MYO1E: variants seen among roughly 807,000 people sequenced by gnomAD.
MYO1E encodes the protein unconventional myosin-Ie.
MYO1E carries 68 observed loss-of-function variants against 151.1 expected under a neutral mutation model. The observed-to-expected ratio is 0.45, with a 90% CI of 0.37 to 0.55. The LOEUF is 0.55. Among genes scored for constraint, MYO1E ranks in the 20% least tolerant of loss-of-function variants. MYO1E has a pLI of 0.00. For missense variants in MYO1E, 1,363 were observed against 1,389.3 expected, an observed-to-expected ratio of 0.98 and a Z score of 0.30; for synonymous variants, 601 against 501.7, an observed-to-expected ratio of 1.20 and a Z score of -2.64.
intron 16 of MYO1E, 73 bp downstream of exon 16, chr15:59,202,253 G>A: frequency 7.6e-7 from 1 of 1,323,362 alleles, no homozygotes. Context: ...TCCTGGCCCA[G>A]GGGTGCAGTT....
chr15:59,163,504 GT>G (rs1227044916), intron 22 of MYO1E, among the ~76,000 whole-genome samples: 2 of 151,904 alleles, frequency 1.3e-5, no homozygotes, highest in African/African-American at 4.8e-5. Flanking sequence ...TTCAAAGAAG[GT>G]TTATAGTCCA....
intron 4 of MYO1E, among the ~76,000 whole-genome samples, chr15:59,247,550 C>G (rs976186792): frequency 2.0e-5 from 3 of 152,134 alleles, no homozygotes; most frequent in Non-Finnish European, 4.4e-5. Context: ...ACAACCTATA[C>G]GAAAGCAACC....
At chr15:59,308,531 G>A (rs1235995047) in intron 1 of MYO1E, among the ~76,000 whole-genome samples, 2 of 151,652 alleles carry the variant, frequency 1.3e-5, no homozygotes, top group Non-Finnish European at 2.9e-5. Context: ...AATTAGCCAG[G>A]TGTGGGGGCC....
rs1311812085 is a variant in MYO1E at position 59,217,917 on chromosome 15, C to A, written c.1081G>T (p.Ala361Ser). The change falls in exon 10 of 28, where the codon GCC becomes TCC. Residue 361 changes from alanine to serine, a missense_variant. Transcript: ENST00000288235. ...TRDALAKALHARVFDFLVDSI... is the reference protein window; with the variant it reads ...TRDALAKALHSRVFDFLVDSI... ...TCTACCAAGAAATCAAAGACCCGGG[C>A]GTGCAGGGCCTTGGCGAGCGCATCC... is the stretch of plus-strand genomic sequence containing the variant. 2 of 1,614,024 alleles carry A rather than the reference C, an allele frequency of 1.2e-6. No individual in the cohort carries two copies. The highest frequency in any genetic ancestry group is 1.7e-6 in the Non-Finnish European group (2 of 1,180,032).
Position 59,134,946 on chromosome 15 carries a change from G to C in MYO1E, c.*2434C>G, listed in dbSNP as rs150998296. The stretch of plus-strand genomic sequence containing the variant: ...GAAGACTTTTTAATTAGGAAAAAAA[G>C]GGAAATGTTATTTATCCCAGATTTT... On this transcript the variant is annotated 3_prime_UTR_variant, in exon 28 of 28. Coordinates refer to ENST00000288235, the MANE Select transcript of MYO1E (RefSeq NM_004998.4). The C allele has an allele frequency of 1.4e-4, 22 of 152,318 alleles. No individual in the cohort carries two copies. The highest frequency in any genetic ancestry group is 5.1e-4 in the African/African-American group (21 of 41,566). The allele number at this position is 152,318 out of a possible 1,614,324, so 9.4% of individuals were successfully genotyped here.
chr15:59,248,864 C>A (rs1162684105), intron 4 of MYO1E, among the ~76,000 whole-genome samples: 2 of 152,208 alleles, frequency 1.3e-5, no homozygotes, highest in Non-Finnish European at 2.9e-5. Flanking sequence ...ACCCCTCTAT[C>A]CAGCGTTCTC....
intron 14 of MYO1E, chr15:59,207,312 A>G (rs1341517893): frequency 6.2e-7 from 1 of 1,614,052 alleles, no homozygotes; most frequent in Non-Finnish European, 8.5e-7. Context: ...CGAAAATGCC[A>G]AATATTGTTT....
At chr15:59,274,242 ACTCT>A (rs1367609350) in intron 1 of MYO1E, among the ~76,000 whole-genome samples, 1 of 151,818 alleles carries the variant, frequency 6.6e-6, no homozygotes, top group Non-Finnish European at 1.5e-5. Context: ...GCAGAAGGAA[ACTCT>A]CTATATCTGG....
At chr15:59,354,238 C>A (rs1055834002) in intron 1 of MYO1E, among the ~76,000 whole-genome samples, 2 of 152,128 alleles carry the variant, frequency 1.3e-5, no homozygotes, top group Non-Finnish European at 2.9e-5. Flanking sequence ...CCTTTGAGAC[C>A]GTCCTGGCCT....
intron 18 of MYO1E, among the ~76,000 whole-genome samples, chr15:59,185,938 G>C (rs953539030): frequency 6.6e-6 from 1 of 152,194 alleles, no homozygotes; most frequent in African/African-American, 2.4e-5. Flanking sequence ...AGCCTAAAAT[G>C]TCAGTGGTCT....
In MYO1E at chr15:59,178,407, T is replaced by C. The variant is rs1247210788; in HGVS notation, c.2035A>G (p.Lys679Glu). The C allele has an allele frequency of 6.2e-7, 1 of 1,614,194 alleles. No individual in the cohort carries two copies. The highest frequency in any genetic ancestry group is 1.1e-5 in the South Asian group (1 of 91,088). Residue 679 changes from lysine (K) to glutamate (E), a missense_variant, in exon 19 of 28, where the codon AAA (lysine) becomes GAA (glutamate). Coordinates refer to ENST00000288235, the MANE Select transcript of MYO1E (RefSeq NM_004998.4). ...FQLGRSKVFI[K>E]APESLFLLEE... Reference sequence around the variant, plus strand: ...CAAGCACTCACAGACTCGGGGGCTTTGATGAACACTTTACTCCTCCCCAGC... The same window carrying C: ...CAAGCACTCACAGACTCGGGGGCTTCGATGAACACTTTACTCCTCCCCAGC...
chr15:59,155,184 T>G (rs769240192), intron 25 of MYO1E, among the ~76,000 whole-genome samples: 1 of 152,240 alleles, frequency 6.6e-6, no homozygotes, highest in Non-Finnish European at 1.5e-5. Context: ...CCACAGGGGC[T>G]GCTCCACATG....
chr15:59,261,421 G>A lies in MYO1E; in HGVS notation c.236C>T (p.Ala79Val), dbSNP rs1036473071. The A allele has an allele frequency of 6.2e-6, 10 of 1,601,692 alleles. No individual in the cohort carries two copies. Among genetic ancestry groups the A allele is most frequent in the East Asian group, 2.2e-5 (1 of 44,756 alleles). ...GEKEIEMYQG[A>V]AQYENPPHIY... ...TAATTTATGTGACACGTAACTTACC[G>A]CTCCTTGGTACATTTCAATTTCCTT... is the stretch of plus-strand genomic sequence containing the variant. The change falls in exon 3 of 28, where the codon GCG (alanine) becomes GTG (valine). Residue 79 changes from alanine to valine, a missense_variant and splice_region_variant. Coordinates refer to ENST00000288235, the MANE Select transcript of MYO1E (RefSeq NM_004998.4).
intron 27 of MYO1E, 52 bp from the exon 28 acceptor site, chr15:59,137,508 C>G: frequency 6.9e-7 from 1 of 1,439,546 alleles, no homozygotes; most frequent in Non-Finnish European, 9.8e-7. Context: ...CTGTTCTGCC[C>G]CAGCCACACA....
At chr15:59,277,548 CAAA>C (rs1166969756) in intron 1 of MYO1E, among the ~76,000 whole-genome samples, 2 of 42,946 alleles carry the variant, frequency 4.7e-5, no homozygotes, top group African/African-American at 1.6e-4. Context: ...CATCCCCCCA[CAAA>C]AAAAAAAAAA....
At chr15:59,294,118 G>A (rs2080435634) in intron 1 of MYO1E, among the ~76,000 whole-genome samples, 1 of 152,176 alleles carries the variant, frequency 6.6e-6, no homozygotes, top group Admixed American at 6.5e-5. Flanking sequence ...AAGAGCGTCT[G>A]GCTGGCTTCC....
At chr15:59,173,991 A>T (rs752625430) in intron 20 of MYO1E, 76 bp from the exon 21 acceptor site, 25 of 1,545,376 alleles carry the variant, frequency 1.6e-5, no homozygotes, top group Non-Finnish European at 2.1e-5. Context: ...GTGGAAATAT[A>T]CAAAGAAACT....
chr15:59,272,976 T>G (rs1287051187), intron 1 of MYO1E, among the ~76,000 whole-genome samples: 1 of 152,220 alleles, frequency 6.6e-6, no homozygotes, highest in Non-Finnish European at 1.5e-5. Context: ...CGGTCATAAT[T>G]TCTCAAGTCA....
In MYO1E at chr15:59,232,830, G is replaced by A. The variant is rs187957339; in HGVS notation, c.421-1039C>T. Among the ~76,000 whole-genome samples the A allele has an allele frequency of 2.2e-4, 33 of 152,282 alleles. No homozygotes were observed. In the East Asian group the frequency reaches 2.7e-3, roughly 12 times the overall value. On this transcript the variant is annotated intron_variant, in intron 5 of 27. Transcript: ENST00000288235. ...AATTAATGAACTACTAACTGACTAT[G>A]TAACAGCCAAAGTGTTACAAAGGGT...
Sources: allele counts gnomAD v4.1 joint callset (sites outside exome capture counted in the v4.1 genomes callset), GRCh38; gene constraint gnomAD v4.1.1; transcripts MANE v1.5; gene names NCBI Gene and HGNC (gene_info 2026-07-23, HGNC 2026-07-21).